Variants in WASL observed in about 807,000 individuals in gnomAD.
WASL encodes the protein actin nucleation-promoting factor WASL.
In WASL, 20 loss-of-function variants were observed where a neutral mutation model predicts 55.5. The ratio of observed to expected loss-of-function variants is 0.36; its 90% CI spans 0.25 to 0.52. The LOEUF (loss-of-function observed/expected upper bound fraction) is 0.52. WASL is among the 20% of genes least tolerant of loss of function. WASL has a pLI of 0.92. For missense variants in WASL, 504 were observed against 622.5 expected (o/e 0.81, Z 2.03); for synonymous variants, 249 against 217.6 (o/e 1.14, Z -1.27).
intron 10 of WASL, among the ~76,000 whole-genome samples, chr7:123,685,195 T>G (rs1231660649): frequency 6.6e-6 from 1 of 151,928 alleles, no homozygotes; most frequent in Non-Finnish European, 1.5e-5. Flanking sequence ...TTATTTAAAT[T>G]TCAAGTTTAA....
At chr7:123,737,982 A>G (rs918925858) in intron 1 of WASL, among the ~76,000 whole-genome samples, 1 of 152,196 alleles carries the variant, frequency 6.6e-6, no homozygotes, top group African/African-American at 2.4e-5. Flanking sequence ...CAAGTCACTA[A>G]GACAAAAACA....
intron 5 of WASL, among the ~76,000 whole-genome samples, chr7:123,703,469 C>T (rs1476546979): frequency 6.6e-6 from 1 of 152,148 alleles, no homozygotes; most frequent in African/African-American, 2.4e-5. Flanking sequence ...AAGCACTATG[C>T]TAAGCTTTGA....
chr7:123,733,452 T>C (rs1804173711), intron 1 of WASL, among the ~76,000 whole-genome samples: 1 of 152,056 alleles, frequency 6.6e-6, no homozygotes. Context: ...ATAAATAAGA[T>C]CTATATGACT....
chr7:123,748,113 G>A (rs1178446412), intron 1 of WASL, among the ~76,000 whole-genome samples: 1 of 152,044 alleles, frequency 6.6e-6, no homozygotes, highest in African/African-American at 2.4e-5. Context: ...GAGAGCCCAG[G>A]CTCTTGCACT....
intron 9 of WASL, 115 bp from the exon 10 acceptor site, chr7:123,689,265 C>G (rs1584854754): frequency 1.3e-6 from 1 of 768,852 alleles, no homozygotes; most frequent in East Asian, 2.5e-5. Context: ...AAAAAGATAT[C>G]AAACTGGCAA....
chr7:123,744,114 G>A (rs928009622), intron 1 of WASL, among the ~76,000 whole-genome samples: 5 of 152,108 alleles, frequency 3.3e-5, no homozygotes, highest in Non-Finnish European at 5.9e-5. Context: ...ATCCCTCTAA[G>A]CATATCCTTC....
intron 1 of WASL, among the ~76,000 whole-genome samples, chr7:123,712,544 T>C (rs1803775603): frequency 6.6e-6 from 1 of 152,164 alleles, no homozygotes; most frequent in Non-Finnish European, 1.5e-5. Context: ...ACATGGTAAA[T>C]GTAATAAACA....
chr7:123,708,152 T>C lies in WASL; in HGVS notation c.252+937A>G, dbSNP rs9641713. Among the ~76,000 whole-genome samples the C allele has an allele frequency of 7.9e-5, 12 of 151,876 alleles. No individual in the cohort carries two copies. The East Asian group carries it at 2.3e-3, about 30-fold the overall frequency. ...AGTAAGCTGTGCACTCCAGGCTGGGTGACAGAGCAAGAGCAAGACCCTGTC... is the reference window on the plus strand; with the variant it reads ...AGTAAGCTGTGCACTCCAGGCTGGGCGACAGAGCAAGAGCAAGACCCTGTC... On this transcript the variant is annotated intron_variant, in intron 2 of 10. Transcript: ENST00000223023.
intron 5 of WASL, among the ~76,000 whole-genome samples, chr7:123,703,341 G>A (rs1275711444): frequency 6.6e-6 from 1 of 152,140 alleles, no homozygotes; most frequent in East Asian, 1.9e-4. Context: ...CTATAAAAGA[G>A]ATAATAGGAG....
At chr7:123,688,636 A>G (rs573444725) in intron 10 of WASL, among the ~76,000 whole-genome samples, 1 of 152,312 alleles carries the variant, frequency 6.6e-6, no homozygotes, top group East Asian at 1.9e-4. Flanking sequence ...TGCTGGGATT[A>G]CAGGTGTGAG....
intron 9 of WASL, among the ~76,000 whole-genome samples, chr7:123,690,080 AC>A (rs1173813466): frequency 6.6e-6 from 1 of 152,176 alleles, no homozygotes; most frequent in Non-Finnish European, 1.5e-5. Context: ...GTATAGAAGT[AC>A]CACAAATGAA....
chr7:123,715,741 AC>A (rs1355494878), intron 1 of WASL, among the ~76,000 whole-genome samples: 2 of 152,190 alleles, frequency 1.3e-5, no homozygotes, highest in Admixed American at 1.3e-4. Context: ...ACAACCACAC[AC>A]CAATCTTATA....
At chr7:123,686,886 A>G (rs959043411) in intron 10 of WASL, among the ~76,000 whole-genome samples, 6 of 152,296 alleles carry the variant, frequency 3.9e-5, no homozygotes, top group African/African-American at 1.4e-4. Flanking sequence ...AAACATAACC[A>G]TAACTTTAAA....
At chr7:123,701,422 T>C (rs1218603116) in intron 5 of WASL, among the ~76,000 whole-genome samples, 1 of 152,142 alleles carries the variant, frequency 6.6e-6, no homozygotes, top group Non-Finnish European at 1.5e-5. Flanking sequence ...GGAAAACAGT[T>C]GAAAAACAGG....
chr7:123,707,384 A>T (rs1253480259), intron 2 of WASL, among the ~76,000 whole-genome samples: 1 of 152,210 alleles, frequency 6.6e-6, no homozygotes, highest in Non-Finnish European at 1.5e-5. Flanking sequence ...TAGTATAAGT[A>T]GTATTAATCA....
chr7:123,720,344 CAAAAA>C (rs11377481), intron 1 of WASL: 38 of 349,626 alleles, frequency 1.1e-4, no homozygotes, highest in Admixed American at 1.9e-4. Flanking sequence ...CATACAGCTG[CAAAAA>C]AAAAAAAAAA....
chr7:123,721,337 T>C (rs559193325), intron 1 of WASL, among the ~76,000 whole-genome samples: 3 of 152,050 alleles, frequency 2.0e-5, no homozygotes, highest in Non-Finnish European at 2.9e-5. Flanking sequence ...ACAATCAAGG[T>C]GGGCAAAAAA....
intron 5 of WASL, among the ~76,000 whole-genome samples, chr7:123,700,709 A>C (rs1046218049): frequency 1.3e-5 from 2 of 152,190 alleles, no homozygotes; most frequent in Non-Finnish European, 2.9e-5. Flanking sequence ...AAGTGTTGGG[A>C]TTACAGGCGT....
At chr7:123,714,417 C>T (rs867890831) in intron 1 of WASL, among the ~76,000 whole-genome samples, 2 of 152,034 alleles carry the variant, frequency 1.3e-5, no homozygotes, top group South Asian at 4.2e-4. Flanking sequence ...AAAGACTCCA[C>T]AAGAAATAAA....
Sources: gnomAD v4.1 joint callset for allele counts (sites outside exome capture counted in the v4.1 genomes callset) on GRCh38, gnomAD v4.1.1 for gene constraint, MANE v1.5 for transcripts, NCBI Gene and HGNC (gene_info 2026-07-23, HGNC 2026-07-21) for gene names.